Variants in AKAP13 observed in about 807,000 individuals in gnomAD.
The protein encoded by AKAP13 is A-kinase anchor protein 13.
Under a neutral mutation model 264.5 loss-of-function variants are expected in AKAP13, and 80 were observed. The observed-to-expected ratio is 0.30, with a 90% confidence interval of 0.25 to 0.36. The LOEUF (loss-of-function observed/expected upper bound fraction) is 0.36. Among genes scored for constraint, AKAP13 ranks in the 10% least tolerant of loss-of-function variants. The pLI is 1.00. For missense variants in AKAP13, 3,712 were observed against 3,435.2 expected (o/e 1.08, Z -2.01); for synonymous variants, 1,380 against 1,250.2 (o/e 1.10, Z -2.19).
At chr15:85,740,488 T>C in intron 34 of AKAP13, 1 of 544,718 alleles carries the variant, frequency 1.8e-6, no homozygotes, top group Non-Finnish European at 3.3e-6. Flanking sequence ...TAGGCATGGC[T>C]TGATAACCAT....
intron 1 of AKAP13, among the ~76,000 whole-genome samples, chr15:85,412,970 T>C (rs1323258104): frequency 6.6e-6 from 1 of 152,182 alleles, no homozygotes; most frequent in Non-Finnish European, 1.5e-5. Flanking sequence ...GCGGGTCAAG[T>C]AATTGGCCCA....
rs376739656 is a variant in AKAP13 at position 85,581,985 on chromosome 15, G to C, written c.3917G>C (p.Gly1306Ala). 3 of 1,614,022 alleles carry C rather than the reference G, an allele frequency of 1.9e-6. No homozygotes were observed. The highest frequency in any genetic ancestry group is 1.7e-5 in the Admixed American group (1 of 60,006). Residue 1306 changes from glycine (G) to alanine (A), a missense_variant, in exon 7 of 37, where the codon GGG becomes GCG. By Grantham distance (60) the Gly-to-Ala change is moderately conservative. Coordinates refer to ENST00000394518, the MANE Select transcript of AKAP13 (RefSeq NM_007200.5). ...FTEKVSTFPPGESLPMGSTPE... is the reference protein window; with the variant it reads ...FTEKVSTFPPAESLPMGSTPE... ...GAAAAAGTGAGTACTTTCCCACCTG[G>C]GGAGAGCCTACCAATGGGCAGTACT...
chr15:85,416,048 G>A (rs919250628), intron 1 of AKAP13, among the ~76,000 whole-genome samples: 2 of 152,160 alleles, frequency 1.3e-5, no homozygotes, highest in Non-Finnish European at 2.9e-5. Context: ...GAAGTGAGAT[G>A]GGAGCACAGA....
At position 85,599,191 on chromosome 15, in the gene AKAP13, G is replaced by T. The variant is rs558184996; in HGVS notation, c.4161+13368G>T. ...CTCTTTCCTCCTTGAGTGAGGAAAA[G>T]GATTTAAATCCTGGCTTTCCTGACA... On this transcript the variant is annotated intron_variant, in intron 8 of 36. Coordinates refer to ENST00000394518, the MANE Select transcript of AKAP13 (RefSeq NM_007200.5). Among the ~76,000 whole-genome samples, 20 of 152,292 alleles carry T rather than the reference G, an allele frequency of 1.3e-4. No homozygotes were observed. The East Asian group carries it at 3.7e-3, about 28-fold the overall frequency.
intron 8 of AKAP13, among the ~76,000 whole-genome samples, chr15:85,608,291 C>T (rs897121978): frequency 4.6e-5 from 7 of 152,170 alleles, no homozygotes; most frequent in African/African-American, 1.7e-4. Flanking sequence ...GAAACTACTT[C>T]AGACAAAATT....
chr15:85,516,442 G>T (rs2076603085), intron 2 of AKAP13, among the ~76,000 whole-genome samples: 1 of 152,212 alleles, frequency 6.6e-6, no homozygotes, highest in Non-Finnish European at 1.5e-5. Flanking sequence ...ACACTAACAA[G>T]TTATAAACTA....
At chr15:85,586,575 T>C (rs56125817) in intron 8 of AKAP13, among the ~76,000 whole-genome samples, 2,663 of 152,254 alleles carry the variant, frequency 0.017, 84 homozygotes, top group African/African-American at 0.061. Context: ...ATTTTTACTT[T>C]ATAGCTCAAT....
intron 1 of AKAP13, among the ~76,000 whole-genome samples, chr15:85,446,682 G>C (rs975562709): frequency 1.3e-5 from 2 of 150,888 alleles, no homozygotes; most frequent in African/African-American, 4.9e-5. Flanking sequence ...CGTCTTCCCC[G>C]CTTTGCCCAG....
At chr15:85,709,632 T>C (rs1326709557) in intron 18 of AKAP13, among the ~76,000 whole-genome samples, 1 of 151,420 alleles carries the variant, frequency 6.6e-6, no homozygotes, top group African/African-American at 2.4e-5. Context: ...GCATCTCCCA[T>C]ATAAGAGAAT....
chr15:85,645,101 C>T (rs2082494361), intron 9 of AKAP13, among the ~76,000 whole-genome samples: 1 of 152,164 alleles, frequency 6.6e-6, no homozygotes, highest in African/African-American at 2.4e-5. Context: ...GCCTGAGCAA[C>T]AGAACGAGAA....
At chr15:85,536,579 C>T (rs1349294507) in intron 4 of AKAP13, 1 of 152,162 alleles carries the variant, frequency 6.6e-6, no homozygotes, top group Non-Finnish European at 1.5e-5. Context: ...CCCAGATTTC[C>T]CTCACTGAGT....
chr15:85,538,010 A>G (rs2077456307), intron 4 of AKAP13, among the ~76,000 whole-genome samples: 1 of 152,188 alleles, frequency 6.6e-6, no homozygotes, highest in Non-Finnish European at 1.5e-5. Context: ...GGTGATAAGG[A>G]TTCATCTGGG....
chr15:85,599,920 T>G (rs1238225546), intron 8 of AKAP13, among the ~76,000 whole-genome samples: 1 of 152,148 alleles, frequency 6.6e-6, no homozygotes, highest in Admixed American at 6.5e-5. Flanking sequence ...AGTCTTGCTG[T>G]TTTTTAAAAC....
chr15:85,535,375 C>T (rs1052552379), intron 4 of AKAP13: 5 of 152,190 alleles, frequency 3.3e-5, no homozygotes, highest in African/African-American at 1.2e-4. Flanking sequence ...CTGGATAGTC[C>T]TGCCCAGGTA....
intron 14 of AKAP13, among the ~76,000 whole-genome samples, chr15:85,680,268 GA>G (rs1056727122): frequency 5.3e-5 from 8 of 152,100 alleles, no homozygotes; most frequent in Non-Finnish European, 1.0e-4. Context: ...TCCTTGGGCA[GA>G]AAAGGTTTTA....
At chr15:85,626,157 G>A (rs2081400257) in intron 8 of AKAP13, among the ~76,000 whole-genome samples, 1 of 152,158 alleles carries the variant, frequency 6.6e-6, no homozygotes, top group South Asian at 2.1e-4. Context: ...CAGATTACTG[G>A]CTCTGACTCT....
At chr15:85,509,083 C>T (rs182621769) in intron 2 of AKAP13, among the ~76,000 whole-genome samples, 55 of 152,216 alleles carry the variant, frequency 3.6e-4, no homozygotes, top group African/African-American at 1.3e-3. Context: ...GGGCAAAGGG[C>T]CTTGTCTTTC....
intron 5 of AKAP13, among the ~76,000 whole-genome samples, chr15:85,573,361 G>A (rs1211034683): frequency 6.6e-6 from 1 of 151,970 alleles, no homozygotes; most frequent in Non-Finnish European, 1.5e-5. Flanking sequence ...TGGCCAATGT[G>A]GCAAAACCCC....
Position 85,513,033 on chromosome 15 carries a change from A to G in AKAP13, c.34-8395A>G, listed in dbSNP as rs1342874258. Among the ~76,000 whole-genome samples the G allele has an allele frequency of 2.6e-5, 4 of 151,876 alleles. No homozygotes were observed. The South Asian group carries it at 8.3e-4, about 32-fold the overall frequency. On this transcript the variant is annotated intron_variant, in intron 2 of 36. Coordinates refer to ENST00000394518, the MANE Select transcript of AKAP13 (RefSeq NM_007200.5). ...CACCATGCCCGGCTAATTTTTTTGTATTTTTAGTAGATGCTCCTGCCTCAG... is the reference window on the plus strand; with the variant it reads ...CACCATGCCCGGCTAATTTTTTTGTGTTTTTAGTAGATGCTCCTGCCTCAG...
Sources: gnomAD v4.1 joint callset for allele counts (sites outside exome capture counted in the v4.1 genomes callset) on GRCh38, gnomAD v4.1.1 for gene constraint, MANE v1.5 for transcripts, NCBI Gene and HGNC (gene_info 2026-07-23, HGNC 2026-07-21) for gene names.